Variants in SPIRE2 observed in about 807,000 individuals in gnomAD.
The protein encoded by SPIRE2 is protein spire homolog 2.
In SPIRE2, 76 loss-of-function variants were observed where a neutral mutation model predicts 80.7. That is an observed-to-expected ratio of 0.94 (90% CI 0.78 to 1.14). SPIRE2 has a LOEUF of 1.14. SPIRE2 is among the 50% of genes most tolerant of loss of function. SPIRE2 has a pLI of 0.00. For missense variants in SPIRE2, 1,196 were observed against 1,015.3 expected (o/e 1.18, Z -2.42); for synonymous variants, 535 against 432.6 (o/e 1.24, Z -2.94).
chr16:89,841,335 T>C (rs1192592626), intron 1 of SPIRE2, among the ~76,000 whole-genome samples: 4 of 152,196 alleles, frequency 2.6e-5, no homozygotes, highest in African/African-American at 9.7e-5. Flanking sequence ...ATGGCACTAA[T>C]AGACTTGATG....
chr16:89,859,816 C>A (rs1465773080), intron 9 of SPIRE2, among the ~76,000 whole-genome samples: 4 of 152,164 alleles, frequency 2.6e-5, no homozygotes, highest in African/African-American at 9.7e-5. Flanking sequence ...GCTGGTCCTA[C>A]CACCGTGAGG....
chr16:89,850,046 C>T (rs1399291704), intron 2 of SPIRE2: 1 of 596,492 alleles, frequency 1.7e-6, no homozygotes, highest in African/African-American at 1.8e-5. Context: ...TCATGTTGGT[C>T]AGGCTGGTCT....
At chr16:89,835,103 C>G (rs1443898966) in intron 1 of SPIRE2, among the ~76,000 whole-genome samples, 20 of 143,970 alleles carry the variant, frequency 1.4e-4, no homozygotes, top group African/African-American at 5.3e-4. Flanking sequence ...TCGTAGAAGC[C>G]TAGATAAGCA....
At chr16:89,845,249 G>C (rs1171395801) in intron 1 of SPIRE2, 73 bp from the exon 2 acceptor site, 7 of 1,353,532 alleles carry the variant, frequency 5.2e-6, no homozygotes, top group East Asian at 2.3e-5. Context: ...CCGAGGGGGA[G>C]GTGGGGGGAC....
intron 3 of SPIRE2, among the ~76,000 whole-genome samples, chr16:89,851,871 G>C (rs1233424638): frequency 6.6e-6 from 1 of 152,184 alleles, no homozygotes; most frequent in African/African-American, 2.4e-5. Flanking sequence ...ATGGTGCTGT[G>C]TCTCTCCTGT....
chr16:89,863,796 T>TTGC lies in SPIRE2; in HGVS notation c.1723_1725dup (p.Cys575dup). 1 of 1,613,954 alleles carries TTGC rather than the reference T, an allele frequency of 6.2e-7. No homozygotes were observed. Among genetic ancestry groups the TTGC allele is most frequent in the Non-Finnish European group, 8.5e-7 (1 of 1,179,928 alleles). On this transcript the variant is annotated inframe_insertion, in exon 12 of 15. Transcript: ENST00000378247. The surrounding 1 kb of genome is among the most constrained non-coding windows in gnomAD (Gnocchi z 4.3). ...CTCTAACCAGTCTCTCCTGACAGAT[T>TTGC]TGCTGCTGCTGCCGGGCCAAGTTCC...
chr16:89,843,698 G>GTTTTTT (rs568062812), intron 1 of SPIRE2, among the ~76,000 whole-genome samples: 1 of 18,204 alleles, frequency 5.5e-5, no homozygotes, highest in Non-Finnish European at 9.5e-5. Flanking sequence ...TTTGTTTTTT[G>GTTTTTT]TTTTTTTTTT....
chr16:89,829,914 C>CGGCAG (rs2041363180), intron 1 of SPIRE2, among the ~76,000 whole-genome samples: 1 of 151,302 alleles, frequency 6.6e-6, no homozygotes, highest in Admixed American at 6.6e-5. Flanking sequence ...TGGGGTGAGA[C>CGGCAG]GGCAGGTGCA....
rs2041614195 is a variant in SPIRE2 at position 89,850,536 on chromosome 16, T to C, written c.521T>C (p.Leu174Pro). The change falls in exon 3 of 15, where the codon CTG (leucine) becomes CCG (proline). Residue 174 changes from leucine (L) to proline (P), a missense_variant. Physicochemically the swap from Leu to Pro is moderately conservative, Grantham distance 98. Coordinates refer to ENST00000378247, the MANE Select transcript of SPIRE2 (RefSeq NM_032451.2). ...SVRTFAQAMRLCAARLTDPRG... is the reference protein window; with the variant it reads ...SVRTFAQAMRPCAARLTDPRG... Reference sequence around the variant, plus strand: ...CGCACCTTTGCCCAGGCCATGCGGCTGTGCGCGGCGCGGCTGACCGACCCC... The same window carrying C: ...CGCACCTTTGCCCAGGCCATGCGGCCGTGCGCGGCGCGGCTGACCGACCCC... 1 of 1,515,896 alleles carries C rather than the reference T, an allele frequency of 6.6e-7. No individual in the cohort carries two copies. The highest frequency in any genetic ancestry group is 8.8e-7 in the Non-Finnish European group (1 of 1,136,626). 93.9% of individuals were successfully genotyped at this position (1,515,896 alleles called of 1,614,324 possible).
chr16:89,830,489 T>TGA (rs1162289276), intron 1 of SPIRE2, among the ~76,000 whole-genome samples: 2 of 151,388 alleles, frequency 1.3e-5, no homozygotes, highest in East Asian at 3.8e-4. Context: ...CTGAGTCAGC[T>TGA]GAGACATCAG....
chr16:89,860,613 C>A (rs971531076), intron 9 of SPIRE2, 70 bp from the exon 10 acceptor site: 3 of 1,074,784 alleles, frequency 2.8e-6, no homozygotes, highest in Admixed American at 4.2e-5. Flanking sequence ...TCTCTATCAT[C>A]CCCTGGGCAC....
At chr16:89,837,094 G>T (rs114261875) in intron 1 of SPIRE2, among the ~76,000 whole-genome samples, 3 of 152,146 alleles carry the variant, frequency 2.0e-5, no homozygotes, top group African/African-American at 7.2e-5. Flanking sequence ...GGCCCGTCGC[G>T]TGGGTTCTGG....
At chr16:89,838,864 G>A (rs1273171088) in intron 1 of SPIRE2, among the ~76,000 whole-genome samples, 1 of 151,810 alleles carries the variant, frequency 6.6e-6, no homozygotes, top group African/African-American at 2.4e-5. Context: ...CGCACAAAGG[G>A]CTCTTGTTCT....
intron 12 of SPIRE2, among the ~76,000 whole-genome samples, chr16:89,867,231 G>A (rs1375484814): frequency 2.7e-5 from 4 of 150,034 alleles, no homozygotes; most frequent in Admixed American, 6.6e-5. Context: ...TGCAACTTCC[G>A]CCTCCTGGGT....
chr16:89,836,839 AAG>A (rs1298063098), intron 1 of SPIRE2, among the ~76,000 whole-genome samples: 1 of 151,748 alleles, frequency 6.6e-6, no homozygotes, highest in Admixed American at 6.6e-5. Context: ...AAAAGAAAAA[AAG>A]AAAGTTAGCT....
chr16:89,866,563 G>C (rs1163806828), intron 12 of SPIRE2, among the ~76,000 whole-genome samples: 5 of 152,052 alleles, frequency 3.3e-5, no homozygotes, highest in Non-Finnish European at 1.5e-5. Flanking sequence ...CCAAAGTGCT[G>C]GGATTACAGC....
chr16:89,868,846 G>A (rs764484195), intron 13 of SPIRE2, among the ~76,000 whole-genome samples: 8 of 151,240 alleles, frequency 5.3e-5, no homozygotes, highest in South Asian at 2.1e-4. Context: ...CAGAGACTCC[G>A]TCTCAAAAAG....
intron 1 of SPIRE2, among the ~76,000 whole-genome samples, chr16:89,833,924 T>TGTGTGG (rs1169596693): frequency 2.6e-5 from 4 of 152,058 alleles, no homozygotes; most frequent in East Asian, 1.9e-4. Flanking sequence ...CTGGCCGCTG[T>TGTGTGG]GTGTGGGTGT....
chr16:89,830,212 C>T lies in SPIRE2; in HGVS notation c.244+1418C>T, dbSNP rs1017744774. On this transcript the variant is annotated intron_variant, in intron 1 of 14. Transcript: ENST00000378247. ...AGCAGTGATCTGATTCTCTCCACCT[C>T]CATCCCTGGGTGGTGTGGCCCCTTC... 2.0e-5 allele frequency among the ~76,000 whole-genome samples: 3 copies of T among 151,334 alleles called. 1 individual carries two copies. The highest frequency in any genetic ancestry group is 7.2e-5 in the African/African-American group (3 of 41,456).
Sources: allele counts gnomAD v4.1 joint callset (sites outside exome capture counted in the v4.1 genomes callset), GRCh38; gene constraint gnomAD v4.1.1; non-coding constraint Gnocchi (gnomAD v3.1); transcripts MANE v1.5; gene names NCBI Gene and HGNC (gene_info 2026-07-23, HGNC 2026-07-21).